The following FGF12 variants were observed in gnomAD, a reference collection of about 807,000 sequenced individuals.
FGF12 encodes the protein fibroblast growth factor 12.
FGF12 carries 14 observed loss-of-function variants against 23.6 expected under a neutral mutation model. That is an observed-to-expected ratio of 0.59 (90% CI 0.39 to 0.93). The LOEUF is 0.93. FGF12 is among the 40% of genes least tolerant of loss of function. The pLI is 0.00. For synonymous variants in FGF12, 62 were observed against 77.3 expected (o/e 0.80, Z 1.04); for missense variants, 175 against 217.8 (o/e 0.80, Z 1.24).
intron 2 of FGF12, among the ~76,000 whole-genome samples, chr3:192,636,509 T>A (rs574807771): frequency 1.3e-5 from 2 of 152,238 alleles, no homozygotes; most frequent in African/African-American, 4.8e-5. Flanking sequence ...AATAGTTTCA[T>A]AAATCTCTTC....
intron 2 of FGF12, among the ~76,000 whole-genome samples, chr3:192,712,004 G>A (rs1042087322): frequency 3.4e-5 from 5 of 146,744 alleles, no homozygotes; most frequent in South Asian, 2.1e-4. Flanking sequence ...AGAAAATATC[G>A]CATCTGTGAA....
chr3:192,170,726 C>T (rs939230911), intron 4 of FGF12, 70 bp from the exon 5 acceptor site: 1 of 1,323,296 alleles, frequency 7.6e-7, no homozygotes, highest in Non-Finnish European at 1.0e-6. Flanking sequence ...ATGCTTAAAT[C>T]CAATAAGCTT....
chr3:192,705,749 C>T (rs1460066348), intron 2 of FGF12, among the ~76,000 whole-genome samples: 3 of 152,144 alleles, frequency 2.0e-5, no homozygotes, highest in South Asian at 2.1e-4. Flanking sequence ...GCTCAACTCT[C>T]GGTTTCCACA....
rs888368071 is a variant in FGF12 at position 192,727,396 on chromosome 3, T to C, written c.-130-73A>G. On this transcript the variant is annotated intron_variant, in intron 1 of 5. Coordinates refer to ENST00000445105, the MANE Select transcript of FGF12 (RefSeq NM_004113.6). Reference sequence around the variant, plus strand: ...AGGACACTTAGGAGCAGCAGCAGATTGCCTCTACAGGGGATACGTTGCGAC... The same window carrying C: ...AGGACACTTAGGAGCAGCAGCAGATCGCCTCTACAGGGGATACGTTGCGAC... The C allele has an allele frequency of 4.3e-5, 63 of 1,476,888 alleles. 1 individual carries two copies. In the Admixed American group the frequency reaches 1.0e-3, roughly 24 times the overall value. 91.5% of individuals were successfully genotyped at this position (1,476,888 alleles called of 1,614,324 possible).
chr3:192,535,954 C>T (rs888413051), intron 2 of FGF12, among the ~76,000 whole-genome samples: 1 of 152,176 alleles, frequency 6.6e-6, no homozygotes, highest in Admixed American at 6.5e-5. Context: ...AGACATCTAA[C>T]CACCCACAAA....
intron 4 of FGF12, among the ~76,000 whole-genome samples, chr3:192,241,805 C>T (rs1287027610): frequency 6.6e-6 from 1 of 152,126 alleles, no homozygotes; most frequent in African/African-American, 2.4e-5. Context: ...TGGCTCATGA[C>T]TGCAGGCAAA....
chr3:192,328,791 A>G (rs1716959533), intron 4 of FGF12, among the ~76,000 whole-genome samples: 3 of 152,220 alleles, frequency 2.0e-5, no homozygotes, highest in East Asian at 3.8e-4. Flanking sequence ...TATAAGAGCA[A>G]ACTATAACAA....
At chr3:192,185,378 G>A (rs1487950575) in intron 4 of FGF12, among the ~76,000 whole-genome samples, 1 of 152,202 alleles carries the variant, frequency 6.6e-6, no homozygotes, top group African/African-American at 2.4e-5. Flanking sequence ...GAATGGAGGA[G>A]TCTAGCCTGT....
chr3:192,647,834 T>G (rs985251008), intron 2 of FGF12, among the ~76,000 whole-genome samples: 1 of 150,900 alleles, frequency 6.6e-6, no homozygotes, highest in African/African-American at 2.4e-5. Context: ...CCTTAGAAAA[T>G]AAGATGTGAA....
At chr3:192,637,066 C>T (rs1184558460) in intron 2 of FGF12, among the ~76,000 whole-genome samples, 3 of 152,194 alleles carry the variant, frequency 2.0e-5, no homozygotes, top group African/African-American at 7.2e-5. Context: ...GAGAACACAG[C>T]TGATAAATAG....
chr3:192,334,902 A>T (rs948870334), intron 4 of FGF12, among the ~76,000 whole-genome samples: 6 of 152,186 alleles, frequency 3.9e-5, no homozygotes, highest in African/African-American at 1.4e-4. Flanking sequence ...ATTAGATAAA[A>T]CATAGACCTA....
chr3:192,412,867 T>G (rs1721238359), intron 2 of FGF12, among the ~76,000 whole-genome samples: 1 of 152,210 alleles, frequency 6.6e-6, no homozygotes, highest in African/African-American at 2.4e-5. Context: ...TAGGTTAAAC[T>G]AACAACCAGG....
chr3:192,608,610 G>A (rs1183163135), intron 2 of FGF12, among the ~76,000 whole-genome samples: 1 of 152,092 alleles, frequency 6.6e-6, no homozygotes, highest in Non-Finnish European at 1.5e-5. Context: ...GTGTGTATTA[G>A]GCAGAGCCCA....
chr3:192,453,442 C>T (rs1177050801), intron 2 of FGF12, among the ~76,000 whole-genome samples: 1 of 151,924 alleles, frequency 6.6e-6, no homozygotes, highest in Non-Finnish European at 1.5e-5. Context: ...AGAATGCCCC[C>T]CCCTTTTTAA....
chr3:192,653,970 C>T (rs573903882), intron 2 of FGF12, among the ~76,000 whole-genome samples: 1 of 152,320 alleles, frequency 6.6e-6, no homozygotes, highest in East Asian at 1.9e-4. Flanking sequence ...AGTTGATCTA[C>T]CTGCCTTGGC....
At chr3:192,232,910 T>A (rs148376579) in intron 4 of FGF12, among the ~76,000 whole-genome samples, 116 of 152,310 alleles carry the variant, frequency 7.6e-4, no homozygotes, top group African/African-American at 2.7e-3. Flanking sequence ...TGCATAGTAT[T>A]CCACGACGTA....
chr3:192,206,567 T>C (rs558442124), intron 4 of FGF12, among the ~76,000 whole-genome samples: 12 of 152,328 alleles, frequency 7.9e-5, no homozygotes, highest in Non-Finnish European at 1.6e-4. Flanking sequence ...TGGTTTTTAG[T>C]CCAGTTTAAC....
At chr3:192,676,868 C>T (rs564099565) in intron 2 of FGF12, among the ~76,000 whole-genome samples, 7 of 152,284 alleles carry the variant, frequency 4.6e-5, no homozygotes, top group East Asian at 1.9e-4. Context: ...AAGAAGGATC[C>T]ATCCTTGCTG....
At chr3:192,496,222 C>T (rs1394267430) in intron 2 of FGF12, among the ~76,000 whole-genome samples, 1 of 151,952 alleles carries the variant, frequency 6.6e-6, no homozygotes, top group Non-Finnish European at 1.5e-5. Flanking sequence ...CTTGCCACCA[C>T]TGCAATATCT....
Sources: allele counts gnomAD v4.1 joint callset (sites outside exome capture counted in the v4.1 genomes callset), GRCh38; gene constraint gnomAD v4.1.1; transcripts MANE v1.5; gene names NCBI Gene and HGNC (gene_info 2026-07-23, HGNC 2026-07-21).